Variants in GPHN observed in about 807,000 individuals in gnomAD.
GPHN encodes the protein gephyrin.
A neutral mutation model predicts 95.5 loss-of-function variants in GPHN; 17 were observed. That is an observed-to-expected ratio of 0.18 (90% CI 0.12 to 0.27). GPHN has a LOEUF of 0.27. GPHN is among the 10% of genes least tolerant of loss of function. The pLI is 1.00. For synonymous variants in GPHN, 320 were observed against 322.5 expected (o/e 0.99, Z 0.08); for missense variants, 660 against 978.1 (o/e 0.67, Z 4.34).
chr14:66,840,845 T>C (rs1206312821), intron 4 of GPHN, among the ~76,000 whole-genome samples: 1 of 151,526 alleles, frequency 6.6e-6, no homozygotes, highest in Non-Finnish European at 1.5e-5. Context: ...GCGTCTGCTC[T>C]GTTAATCTTA....
intron 4 of GPHN, among the ~76,000 whole-genome samples, chr14:66,869,476 C>T (rs968248228): frequency 6.6e-6 from 1 of 152,170 alleles, no homozygotes; most frequent in Admixed American, 6.6e-5. Context: ...GCTCTCTTGT[C>T]CATCTTCCAG....
chr14:67,629,472 T>G, the GPHN span, among the ~76,000 whole-genome samples: 2 of 152,244 alleles, frequency 1.3e-5, no homozygotes, highest in African/African-American at 4.8e-5. Context: ...ATGAAGTTTT[T>G]AGAGAAGTCC....
the GPHN span, among the ~76,000 whole-genome samples, chr14:67,491,952 C>T: frequency 2.0e-5 from 3 of 152,314 alleles, no homozygotes; most frequent in South Asian, 4.1e-4. Flanking sequence ...CCCAACCCCA[C>T]GGGGCCCTGT....
chr14:66,997,563 G>C (rs2071903364), intron 9 of GPHN, among the ~76,000 whole-genome samples: 1 of 152,104 alleles, frequency 6.6e-6, no homozygotes, highest in Non-Finnish European at 1.5e-5. Context: ...ACCCTTGAAA[G>C]ATAGTACTGT....
At chr14:66,603,289 A>G (rs1274754699) in intron 1 of GPHN, among the ~76,000 whole-genome samples, 3 of 152,044 alleles carry the variant, frequency 2.0e-5, no homozygotes, top group East Asian at 3.9e-4. Flanking sequence ...AAATAGTAAT[A>G]TTTTGATGTA....
chr14:67,048,494 A>C (rs1227536640), intron 10 of GPHN, among the ~76,000 whole-genome samples: 1 of 152,214 alleles, frequency 6.6e-6, no homozygotes, highest in Non-Finnish European at 1.5e-5. Context: ...CTACAAATCT[A>C]CTTAAGAAAA....
At chr14:66,965,062 T>C (rs1313393111) in intron 8 of GPHN, 129 bp from the exon 9 acceptor site, 4 of 777,238 alleles carry the variant, frequency 5.1e-6, no homozygotes, top group Non-Finnish European at 6.9e-6. Flanking sequence ...GATGCATTTA[T>C]ACCTAACAGT....
intron 16 of GPHN, among the ~76,000 whole-genome samples, chr14:67,120,350 T>C (rs2078951881): frequency 6.6e-6 from 1 of 152,238 alleles, no homozygotes. Context: ...GAGTTTATTC[T>C]AGTATATTTA....
rs138825511 is a variant in GPHN, at chr14:66,825,693, C to T, written c.294+1127C>T. ...TTTTTCTATTCCTCTATATAAAAAC[C>T]GTGGTACATAAACTTTTGATATTAT... On this transcript the variant is annotated intron_variant, in intron 4 of 22. Coordinates refer to ENST00000478722, the MANE Select transcript of GPHN (RefSeq NM_020806.5). 1.3e-3 allele frequency among the ~76,000 whole-genome samples: 191 copies of T among 151,996 alleles called. 9 individuals are homozygous for T. In the East Asian group the frequency reaches 0.018, roughly 14 times the overall value.
chr14:66,929,273 C>T (rs1273065159), intron 8 of GPHN, among the ~76,000 whole-genome samples: 10 of 151,756 alleles, frequency 6.6e-5, no homozygotes, highest in East Asian at 1.9e-4. Context: ...AGGCTGATCT[C>T]GAACTCCTGG....
At chr14:67,552,192 ACCT>A in the GPHN span, among the ~76,000 whole-genome samples, 1 of 152,012 alleles carries the variant, frequency 6.6e-6, no homozygotes, top group Non-Finnish European at 1.5e-5. Context: ...TAAACCTGAC[ACCT>A]CCTTGGCTGG....
intron 2 of GPHN, among the ~76,000 whole-genome samples, chr14:66,710,366 A>G (rs899398780): frequency 3.3e-5 from 5 of 152,160 alleles, no homozygotes; most frequent in Admixed American, 3.3e-4. Flanking sequence ...AACATTGTAC[A>G]TATTATATGA....
chr14:66,847,846 C>T (rs2062400836), intron 4 of GPHN, among the ~76,000 whole-genome samples: 1 of 151,932 alleles, frequency 6.6e-6, no homozygotes, highest in African/African-American at 2.4e-5. Flanking sequence ...GTTTCTTAAT[C>T]TCTCTTCTCC....
chr14:67,395,683 A>T, the GPHN span: 2 of 873,156 alleles, frequency 2.3e-6, no homozygotes, highest in Middle Eastern at 3.3e-4. Flanking sequence ...GGTGACAGTG[A>T]CTGCCAAATG....
chr14:67,039,175 C>T (rs895827883), intron 10 of GPHN, among the ~76,000 whole-genome samples: 6 of 152,136 alleles, frequency 3.9e-5, no homozygotes, highest in African/African-American at 1.4e-4. Context: ...TATATTTCAT[C>T]CTCTTCACCT....
chr14:67,417,868 C>T, the GPHN span, among the ~76,000 whole-genome samples: 1 of 152,100 alleles, frequency 6.6e-6, no homozygotes, highest in Non-Finnish European at 1.5e-5. Context: ...TTCAGATTCT[C>T]GAGTAGCTGG....
the GPHN span, among the ~76,000 whole-genome samples, chr14:67,521,396 G>A: frequency 6.6e-6 from 1 of 152,124 alleles, no homozygotes; most frequent in Non-Finnish European, 1.5e-5. Context: ...AGGGAGAAGA[G>A]GCATTAGGCC....
chr14:67,428,911 G>A, the GPHN span, among the ~76,000 whole-genome samples: 5 of 152,290 alleles, frequency 3.3e-5, no homozygotes, highest in African/African-American at 1.2e-4. Context: ...CTCTTATCAC[G>A]CTCTGTAAGC....
At chr14:67,673,186 T>C in the GPHN span, among the ~76,000 whole-genome samples, 26 of 152,078 alleles carry the variant, frequency 1.7e-4, no homozygotes, top group Non-Finnish European at 3.1e-4. Flanking sequence ...CTACTAAAAA[T>C]ACAAAAATAA....
Sources: gnomAD v4.1 joint callset for allele counts (sites outside exome capture counted in the v4.1 genomes callset) on GRCh38, gnomAD v4.1.1 for gene constraint, MANE v1.5 for transcripts, NCBI Gene and HGNC (gene_info 2026-07-23, HGNC 2026-07-21) for gene names.